The following PTPN4 variants were observed in gnomAD, a reference collection of about 807,000 sequenced individuals.
PTPN4 encodes the protein tyrosine-protein phosphatase non-receptor type 4.
In PTPN4, 49 loss-of-function variants were observed where a neutral mutation model predicts 135.5. That is an observed-to-expected ratio of 0.36 (90% CI 0.29 to 0.46). PTPN4 has a LOEUF of 0.46. Ranked by LOEUF, PTPN4 falls within the 20% of genes least tolerant of loss-of-function variation. The probability of loss-of-function intolerance (pLI) is 1.00; values close to 1 mark genes in which losing one functional copy is unlikely to be tolerated. For missense variants in PTPN4, 860 were observed against 1,101.0 expected (o/e 0.78, Z 3.10); for synonymous variants, 333 against 369.9 (o/e 0.90, Z 1.14).
intron 1 of PTPN4, among the ~76,000 whole-genome samples, chr2:119,778,551 G>T (rs992026222): frequency 6.6e-6 from 1 of 152,064 alleles, no homozygotes; most frequent in Non-Finnish European, 1.5e-5. Flanking sequence ...AACTCTGTAG[G>T]GCCTTAGTGG....
At chr2:119,935,601 G>A (rs1574411881) in intron 15 of PTPN4, among the ~76,000 whole-genome samples, 1 of 152,088 alleles carries the variant, frequency 6.6e-6, no homozygotes, top group East Asian at 1.9e-4. Context: ...TTTTGATTGT[G>A]TGTATATATT....
intron 10 of PTPN4, among the ~76,000 whole-genome samples, chr2:119,910,042 A>G (rs983579426): frequency 1.3e-5 from 2 of 152,146 alleles, no homozygotes; most frequent in African/African-American, 4.8e-5. Context: ...ATGACAACAA[A>G]GAATATAGAC....
At chr2:119,898,340 G>A (rs748758625) in intron 9 of PTPN4, among the ~76,000 whole-genome samples, 11 of 152,102 alleles carry the variant, frequency 7.2e-5, no homozygotes, top group Admixed American at 3.3e-4. Context: ...TTTTTAACAC[G>A]GAATTGTGGG....
chr2:119,840,395 G>T (rs1677362030), intron 2 of PTPN4, among the ~76,000 whole-genome samples: 1 of 152,168 alleles, frequency 6.6e-6, no homozygotes, highest in African/African-American at 2.4e-5. Flanking sequence ...GTTTGCTGAG[G>T]ATAATGGCTT....
intron 10 of PTPN4, among the ~76,000 whole-genome samples, chr2:119,907,410 C>T (rs1417913339): frequency 6.6e-6 from 1 of 151,378 alleles, no homozygotes; most frequent in Non-Finnish European, 1.5e-5. Flanking sequence ...TACCAGCCTA[C>T]ACAACATAGC....
chr2:119,893,302 T>C (rs977283440), intron 9 of PTPN4, among the ~76,000 whole-genome samples: 8 of 152,084 alleles, frequency 5.3e-5, no homozygotes, highest in Admixed American at 4.6e-4. Context: ...TGGCTATGGG[T>C]GTGAGAGAAA....
rs55911315 is a variant in PTPN4, at chr2:119,914,248, A to ATTT, written c.765-905_765-903dup. On this transcript the variant is annotated intron_variant, in intron 10 of 26. Transcript: ENST00000263708. Reference sequence around the variant, plus strand: ...CATAAATACAGTCAATAGTTACTCAATTTTTTTTTTTTTTTTTTTTTTTTT... The same window carrying ATTT: ...CATAAATACAGTCAATAGTTACTCAATTTTTTTTTTTTTTTTTTTTTTTTTTTT... Among the ~76,000 whole-genome samples the ATTT allele has an allele frequency of 4.0e-3, 386 of 97,336 alleles. 31 individuals are homozygous for ATTT. The highest frequency in any genetic ancestry group is 0.017 in the African/African-American group (297 of 17,002). 63.9% of individuals were successfully genotyped at this position (97,336 alleles called of 152,430 possible).
intron 10 of PTPN4, among the ~76,000 whole-genome samples, chr2:119,903,556 GACACACACACACACAC>G: frequency 6.8e-6 from 1 of 147,750 alleles, no homozygotes; most frequent in East Asian, 2.0e-4. Context: ...TGCAGCTGCT[GACACACACACACACAC>G]ACACACACAC....
At chr2:119,871,477 G>T (rs1677909070) in intron 3 of PTPN4, among the ~76,000 whole-genome samples, 1 of 152,082 alleles carries the variant, frequency 6.6e-6, no homozygotes, top group African/African-American at 2.4e-5. Context: ...TGAGGCAGGA[G>T]AACCACTTGC....
intron 20 of PTPN4, 115 bp from the exon 21 acceptor site, chr2:119,956,729 A>G (rs984597151): frequency 4.4e-5 from 67 of 1,524,676 alleles, no homozygotes; most frequent in Non-Finnish European, 5.6e-5. Flanking sequence ...TGTATAGATG[A>G]CCTATTCAAA....
At chr2:119,955,809 T>C (rs1488574454) in intron 20 of PTPN4, among the ~76,000 whole-genome samples, 2 of 151,910 alleles carry the variant, frequency 1.3e-5, no homozygotes, top group Non-Finnish European at 2.9e-5. Flanking sequence ...TGGTGGCAGG[T>C]GCCTGTAGTC....
intron 1 of PTPN4, among the ~76,000 whole-genome samples, chr2:119,793,839 A>AT (rs1299839949): frequency 3.4e-5 from 2 of 58,096 alleles, no homozygotes; most frequent in African/African-American, 7.3e-5. Context: ...TATTTGTTTC[A>AT]TTTTTAGTTT....
At chr2:119,879,781 C>T (rs1678044114) in intron 5 of PTPN4, among the ~76,000 whole-genome samples, 1 of 152,118 alleles carries the variant, frequency 6.6e-6, no homozygotes. Flanking sequence ...AACAGGAAAT[C>T]TGCTGCACCT....
rs144382261 is a variant in PTPN4 at position 119,798,294 on chromosome 2, G to C, written c.-17-11543G>C. 1.9e-3 allele frequency among the ~76,000 whole-genome samples: 289 copies of C among 152,014 alleles called. 1 individual carries two copies. Among genetic ancestry groups the C allele is most frequent in the Admixed American group, 3.2e-3 (49 of 15,270 alleles). Reference sequence around the variant, plus strand: ...CGATTTTCCTGCCTCAGCCTACCGGGTAGCTGGGATGACAGGCACCCGCCA... The same window carrying C: ...CGATTTTCCTGCCTCAGCCTACCGGCTAGCTGGGATGACAGGCACCCGCCA... On this transcript the variant is annotated intron_variant, in intron 1 of 26. Coordinates refer to ENST00000263708, the MANE Select transcript of PTPN4 (RefSeq NM_002830.4).
chr2:119,807,839 A>T (rs1691502446), intron 1 of PTPN4, among the ~76,000 whole-genome samples: 1 of 152,224 alleles, frequency 6.6e-6, no homozygotes, highest in Non-Finnish European at 1.5e-5. Flanking sequence ...AAATACTGGC[A>T]AACTGAATCT....
chr2:119,970,010 G>T (rs945345072), intron 26 of PTPN4, among the ~76,000 whole-genome samples: 3 of 152,056 alleles, frequency 2.0e-5, no homozygotes, highest in Non-Finnish European at 2.9e-5. Flanking sequence ...TGGGTTTTGT[G>T]TATTACAGAG....
chr2:119,900,930 A>G, intron 10 of PTPN4, 124 bp downstream of exon 10: 2 of 507,826 alleles, frequency 3.9e-6, no homozygotes, highest in Non-Finnish European at 6.6e-6. Flanking sequence ...TAAACTTTAT[A>G]CTTTATCCCA....
At chr2:119,837,522 G>A (rs1483794429) in intron 2 of PTPN4, among the ~76,000 whole-genome samples, 1 of 152,110 alleles carries the variant, frequency 6.6e-6, no homozygotes, top group Non-Finnish European at 1.5e-5. Context: ...ACCTCCAGTT[G>A]TTGACATACC....
chr2:119,845,441 G>A (rs1677482472), intron 2 of PTPN4, among the ~76,000 whole-genome samples: 1 of 151,942 alleles, frequency 6.6e-6, no homozygotes, highest in African/African-American at 2.4e-5. Context: ...TTCTTCTTGA[G>A]TTAATACGTG....
Sources: gnomAD v4.1 joint callset for allele counts (sites outside exome capture counted in the v4.1 genomes callset) on GRCh38, gnomAD v4.1.1 for gene constraint, MANE v1.5 for transcripts, NCBI Gene and HGNC (gene_info 2026-07-23, HGNC 2026-07-21) for gene names.